The following DKK2 variants were observed in gnomAD, a reference collection of about 807,000 sequenced individuals.
DKK2 encodes the protein dickkopf-related protein 2.
A neutral mutation model predicts 28.1 loss-of-function variants in DKK2; 11 were observed. The ratio of observed to expected loss-of-function variants is 0.39; its 90% CI spans 0.25 to 0.65. DKK2 has a LOEUF of 0.65. Ranked by LOEUF, DKK2 falls within the 30% of genes least tolerant of loss-of-function variation. The pLI is 0.47. For missense variants in DKK2, 326 were observed against 335.5 expected, an observed-to-expected ratio of 0.97 and a Z score of 0.22; for synonymous variants, 135 against 126.5, an observed-to-expected ratio of 1.07 and a Z score of -0.45.
At chr4:107,002,979 A>G (rs1161106353) in intron 1 of DKK2, among the ~76,000 whole-genome samples, 1 of 152,206 alleles carries the variant, frequency 6.6e-6, no homozygotes, top group Non-Finnish European at 1.5e-5. Flanking sequence ...CTTACAGATG[A>G]GGAATAATAC....
intron 1 of DKK2, among the ~76,000 whole-genome samples, chr4:106,975,351 G>A (rs576365064): frequency 1.3e-5 from 2 of 152,056 alleles, no homozygotes; most frequent in South Asian, 2.1e-4. Flanking sequence ...GGTAGAATTC[G>A]GCTGTGAATC....
At chr4:106,977,428 T>C (rs945501953) in intron 1 of DKK2, among the ~76,000 whole-genome samples, 1 of 152,134 alleles carries the variant, frequency 6.6e-6, no homozygotes, top group Non-Finnish European at 1.5e-5. Context: ...CTTGGAGGCT[T>C]TGTTCTTTCC....
At chr4:106,987,192 T>C (rs1017684556) in intron 1 of DKK2, among the ~76,000 whole-genome samples, 1 of 152,226 alleles carries the variant, frequency 6.6e-6, no homozygotes, top group Non-Finnish European at 1.5e-5. Context: ...CATATATGTG[T>C]GTATGCAAGT....
At position 106,927,414 on chromosome 4, in the gene DKK2, A is replaced by T. The variant is rs554549216; in HGVS notation, c.223-1465T>A. Among the ~76,000 whole-genome samples, 3 of 152,310 alleles carry T rather than the reference A, an allele frequency of 2.0e-5. No individual in the cohort carries two copies. In the East Asian group the frequency reaches 5.8e-4, roughly 29 times the overall value. On this transcript the variant is annotated intron_variant, in intron 1 of 3. Coordinates refer to ENST00000285311, the MANE Select transcript of DKK2 (RefSeq NM_014421.3). ...TATGTACGAGTCTGAGAGATAAAAA[A>T]TGTATTTTAGCATCATTACAATTTC... is the stretch of plus-strand genomic sequence containing the variant.
At chr4:107,033,590 G>A (rs1723910554) in intron 1 of DKK2, among the ~76,000 whole-genome samples, 1 of 152,082 alleles carries the variant, frequency 6.6e-6, no homozygotes. Context: ...CCCAATAGTG[G>A]AACAGAAACA....
chr4:106,944,193 A>C lies in DKK2; in HGVS notation c.223-18244T>G, dbSNP rs554540806. The stretch of plus-strand genomic sequence containing the variant: ...AGCAATATAGCAACCAGTACCTAAC[A>C]AGTAAAGTACATTTTTCCAAATGCT... On this transcript the variant is annotated intron_variant, in intron 1 of 3. Coordinates refer to ENST00000285311, the MANE Select transcript of DKK2 (RefSeq NM_014421.3). Among the ~76,000 whole-genome samples the C allele has an allele frequency of 3.9e-5, 6 of 152,204 alleles. No individual in the cohort carries two copies. The South Asian group carries it at 1.2e-3, about 32-fold the overall frequency.
intron 1 of DKK2, among the ~76,000 whole-genome samples, chr4:107,011,363 A>G (rs1723514517): frequency 6.6e-6 from 1 of 151,544 alleles, no homozygotes; most frequent in African/African-American, 2.4e-5. Context: ...CATGGCAACA[A>G]ATATTATGAG....
intron 1 of DKK2, among the ~76,000 whole-genome samples, chr4:107,030,092 T>A (rs1382949123): frequency 1.3e-5 from 2 of 152,112 alleles, no homozygotes; most frequent in Non-Finnish European, 2.9e-5. Context: ...ATACATAAAC[T>A]AATTACTTCT....
At chr4:106,974,759 C>A (rs1722917750) in intron 1 of DKK2, among the ~76,000 whole-genome samples, 1 of 152,138 alleles carries the variant, frequency 6.6e-6, no homozygotes, top group Admixed American at 6.6e-5. Context: ...ATTGCCCTGG[C>A]CTGAACTTTC....
At chr4:106,926,266 G>A (rs1463219254) in intron 1 of DKK2, among the ~76,000 whole-genome samples, 1 of 152,114 alleles carries the variant, frequency 6.6e-6, no homozygotes, top group Non-Finnish European at 1.5e-5. Context: ...CTCAAGAGCA[G>A]TTGTAATTAT....
At chr4:106,945,039 T>C (rs985202638) in intron 1 of DKK2, among the ~76,000 whole-genome samples, 1 of 152,088 alleles carries the variant, frequency 6.6e-6, no homozygotes, top group African/African-American at 2.4e-5. Flanking sequence ...GACAGACAGA[T>C]CAAAAGCATA....
chr4:106,954,779 G>A (rs182991309), intron 1 of DKK2, among the ~76,000 whole-genome samples: 2 of 152,008 alleles, frequency 1.3e-5, no homozygotes, highest in South Asian at 4.1e-4. Context: ...CCTCGCCCTC[G>A]CAAAGTGCTG....
chr4:106,922,957 A>T lies in DKK2; in HGVS notation c.*997T>A, dbSNP rs1724369062. 2 of 152,222 alleles carry T rather than the reference A, an allele frequency of 1.3e-5. No individual in the cohort carries two copies. Among genetic ancestry groups the T allele is most frequent in the Admixed American group, 1.3e-4 (2 of 15,260 alleles). 9.4% of individuals were successfully genotyped at this position (152,222 alleles called of 1,614,324 possible). On this transcript the variant is annotated 3_prime_UTR_variant, in exon 4 of 4. Coordinates refer to ENST00000285311, the MANE Select transcript of DKK2 (RefSeq NM_014421.3). ...GCTCAAGTCTCTATTACCACAGAGT[A>T]TGTATGAATACATGTATTTACCAAT...
chr4:106,959,460 T>A (rs1722654364), intron 1 of DKK2, among the ~76,000 whole-genome samples: 1 of 152,064 alleles, frequency 6.6e-6, no homozygotes, highest in Non-Finnish European at 1.5e-5. Flanking sequence ...GGGAGTCCAT[T>A]TGAGGCATGC....
intron 1 of DKK2, among the ~76,000 whole-genome samples, chr4:106,975,751 C>T (rs914951296): frequency 2.0e-5 from 3 of 152,070 alleles, no homozygotes; most frequent in South Asian, 2.1e-4. Flanking sequence ...CAGTTCCACT[C>T]GAATCTTAGT....
intron 1 of DKK2, among the ~76,000 whole-genome samples, chr4:107,026,796 TTTCTGTTG>T (rs2110376086): frequency 6.6e-6 from 1 of 152,338 alleles, no homozygotes; most frequent in South Asian, 2.1e-4. Context: ...ATCAAGGATT[TTTCTGTTG>T]TGGTTGCTGT....
chr4:106,997,368 C>A (rs1022518949), intron 1 of DKK2, among the ~76,000 whole-genome samples: 1 of 152,034 alleles, frequency 6.6e-6, no homozygotes, highest in Non-Finnish European at 1.5e-5. Context: ...CTGGTTAAAA[C>A]GCTTCCATTA....
rs748164258 is a variant in DKK2, at chr4:106,923,988, G to A, written c.746C>T (p.Ser249Phe). The A allele has an allele frequency of 6.2e-7, 1 of 1,613,818 alleles. No individual in the cohort carries two copies. Among genetic ancestry groups the A allele is most frequent in the African/African-American group, 1.3e-5 (1 of 74,884 alleles). ...CTGACACACATGGAGTCTGGCTTTG[G>A]AGGAGTAGGTGGCATCTTTCCATAC... ...CKVWKDATYS[S>F]KARLHVCQKI The change falls in exon 4 of 4, where the codon TCC becomes TTC. Residue 249 changes from serine (S) to phenylalanine (F), a missense_variant. Coordinates refer to ENST00000285311, the MANE Select transcript of DKK2 (RefSeq NM_014421.3).
At chr4:107,000,011 A>G (rs1177586503) in intron 1 of DKK2, among the ~76,000 whole-genome samples, 1 of 152,204 alleles carries the variant, frequency 6.6e-6, no homozygotes, top group Non-Finnish European at 1.5e-5. Flanking sequence ...ATGTGATAAG[A>G]GCAAATTTAA....
Sources: allele counts gnomAD v4.1 joint callset (sites outside exome capture counted in the v4.1 genomes callset), GRCh38; gene constraint gnomAD v4.1.1; transcripts MANE v1.5; gene names NCBI Gene and HGNC (gene_info 2026-07-23, HGNC 2026-07-21).